The following FAT3 variants were observed in gnomAD, a reference collection of about 807,000 sequenced individuals.
FAT3 encodes FAT atypical cadherin 3, also known as protocadherin Fat 3.
In FAT3, 95 loss-of-function variants were observed where a neutral mutation model predicts 310.2. That is an observed-to-expected ratio of 0.31 (90% CI 0.26 to 0.36). The LOEUF (loss-of-function observed/expected upper bound fraction) is 0.36, where lower values mean the gene tolerates loss of function less well. FAT3 is among the 10% of genes least tolerant of loss of function. FAT3 has a pLI of 1.00. For missense variants in FAT3, 5,408 were observed against 5,715.6 expected, an observed-to-expected ratio of 0.95 and a Z score of 1.74; for synonymous variants, 2,314 against 2,192.9, an observed-to-expected ratio of 1.06 and a Z score of -1.54.
At chr11:92,278,915 C>G (rs748639349) in intron 1 of FAT3, among the ~76,000 whole-genome samples, 3 of 152,080 alleles carry the variant, frequency 2.0e-5, no homozygotes, top group Non-Finnish European at 4.4e-5. Context: ...GTGCTGTTCA[C>G]TCTGAGTTTA....
chr11:92,227,396 G>C (rs1017160854), intron 1 of FAT3, among the ~76,000 whole-genome samples: 2 of 152,182 alleles, frequency 1.3e-5, no homozygotes, highest in Non-Finnish European at 1.5e-5. Context: ...TAAAAGCAGA[G>C]AGACAGAGAA....
chr11:92,446,446 T>C, intron 2 of FAT3, among the ~76,000 whole-genome samples: 1 of 152,106 alleles, frequency 6.6e-6, no homozygotes, highest in East Asian at 1.9e-4. Flanking sequence ...CACCAACTCC[T>C]CAATGAGATA....
At chr11:92,315,909 C>T (rs1947448876) in intron 1 of FAT3, among the ~76,000 whole-genome samples, 1 of 152,008 alleles carries the variant, frequency 6.6e-6, no homozygotes, top group South Asian at 2.1e-4. Flanking sequence ...AATTTGTCTT[C>T]ATACATAATG....
chr11:92,617,303 C>T (rs1249511843), intron 3 of FAT3, among the ~76,000 whole-genome samples: 1 of 152,162 alleles, frequency 6.6e-6, no homozygotes, highest in Non-Finnish European at 1.5e-5. Context: ...TCACGTAGTT[C>T]TCATGCCATG....
chr11:92,668,475 C>T (rs892776876), intron 3 of FAT3, among the ~76,000 whole-genome samples: 1 of 152,250 alleles, frequency 6.6e-6, no homozygotes, highest in East Asian at 1.9e-4. Context: ...TGTGTCACAT[C>T]TTAGTAGAAA....
intron 1 of FAT3, among the ~76,000 whole-genome samples, chr11:92,238,935 C>T (rs1204417433): frequency 2.0e-5 from 3 of 152,074 alleles, no homozygotes; most frequent in African/African-American, 4.8e-5. Context: ...AACGTGCATT[C>T]GTTTGTAACT....
At position 92,512,947 on chromosome 11, in the gene FAT3, C is replaced by T. The variant is rs1403359204; in HGVS notation, c.3293-11687C>T. Among the ~76,000 whole-genome samples, 218 of 94,118 alleles carry T rather than the reference C, an allele frequency of 2.3e-3. 56 individuals are homozygous for T. The highest frequency in any genetic ancestry group is 4.1e-3 in the Admixed American group (36 of 8,838). The allele number at this position is 94,118 out of a possible 152,430, so 61.7% of individuals were successfully genotyped here. A position where few individuals can be genotyped will look rare whatever the true frequency, so the allele number is the denominator to read the frequency against. On this transcript the variant is annotated intron_variant, in intron 2 of 27. Transcript: ENST00000525166. ...ACCATCCTGGCTAACACGGTGAAACCCCGTCTCTACTAAAAATACAAAAAA... is the reference window on the plus strand; with the variant it reads ...ACCATCCTGGCTAACACGGTGAAACTCCGTCTCTACTAAAAATACAAAAAA...
intron 8 of FAT3, among the ~76,000 whole-genome samples, chr11:92,790,875 T>G (rs983302623): frequency 1.3e-5 from 2 of 152,140 alleles, no homozygotes; most frequent in African/African-American, 4.8e-5. Context: ...TGGCCTGAAG[T>G]CTATCTCTTC....
At chr11:92,283,625 A>T (rs1438364111) in intron 1 of FAT3, among the ~76,000 whole-genome samples, 1 of 152,160 alleles carries the variant, frequency 6.6e-6, no homozygotes, top group Non-Finnish European at 1.5e-5. Context: ...TCAATTCAGG[A>T]ACAACTAAAA....
chr11:92,776,741 T>G (rs1269867204), intron 7 of FAT3, among the ~76,000 whole-genome samples: 1 of 152,122 alleles, frequency 6.6e-6, no homozygotes. Context: ...TGCCAAGAGA[T>G]TTTCTTGTCT....
At chr11:92,375,760 C>G (rs150179388) in intron 2 of FAT3, among the ~76,000 whole-genome samples, 3 of 152,234 alleles carry the variant, frequency 2.0e-5, no homozygotes, top group Non-Finnish European at 4.4e-5. Flanking sequence ...TTTGTTTGCA[C>G]TTTATACTTA....
chr11:92,578,437 A>T (rs1162592174), intron 3 of FAT3, among the ~76,000 whole-genome samples: 1 of 152,138 alleles, frequency 6.6e-6, no homozygotes. Context: ...TCATTTTACC[A>T]AACAAAAACA....
At chr11:92,598,812 T>C (rs758636470) in intron 3 of FAT3, among the ~76,000 whole-genome samples, 1 of 152,142 alleles carries the variant, frequency 6.6e-6, no homozygotes, top group Non-Finnish European at 1.5e-5. Context: ...TCCCTCAGTT[T>C]CTCCTATGTG....
At chr11:92,463,748 A>C (rs1951692384) in intron 2 of FAT3, among the ~76,000 whole-genome samples, 1 of 152,142 alleles carries the variant, frequency 6.6e-6, no homozygotes, top group Non-Finnish European at 1.5e-5. Context: ...TGGCACTCAT[A>C]TCTTACTGGG....
chr11:92,551,414 T>TTGTTTTTTGTGTG (rs35238743), intron 3 of FAT3, among the ~76,000 whole-genome samples: 2 of 128,970 alleles, frequency 1.6e-5, no homozygotes, highest in South Asian at 2.9e-4. Context: ...TTTTTTTGTT[T>TTGTTTTTTGTGTG]TGTGTGTGTG....
At chr11:92,860,093 T>C (rs116319320) in intron 21 of FAT3, among the ~76,000 whole-genome samples, 1 of 152,160 alleles carries the variant, frequency 6.6e-6, no homozygotes, top group Admixed American at 6.5e-5. Context: ...TCCCAGCTAC[T>C]TGGGAGGCTG....
At chr11:92,605,719 GTT>G (rs5793613) in intron 3 of FAT3, among the ~76,000 whole-genome samples, 5 of 99,744 alleles carry the variant, frequency 5.0e-5, no homozygotes, top group Admixed American at 1.2e-4. Context: ...AAATAGCTAT[GTT>G]TTTTTTTTTT....
At chr11:92,527,145 G>A (rs2135370465) in intron 3 of FAT3, among the ~76,000 whole-genome samples, 1 of 152,276 alleles carries the variant, frequency 6.6e-6, no homozygotes, top group East Asian at 1.9e-4. Context: ...CACATTTGGA[G>A]TTAGAAGTCC....
chr11:92,716,475 T>G (rs540204924), intron 4 of FAT3, among the ~76,000 whole-genome samples: 3 of 152,206 alleles, frequency 2.0e-5, no homozygotes, highest in South Asian at 2.1e-4. Flanking sequence ...AAGGCTTCCA[T>G]AAGAGTTTTC....
Sources: gnomAD v4.1 joint callset for allele counts (sites outside exome capture counted in the v4.1 genomes callset) on GRCh38, gnomAD v4.1.1 for gene constraint, MANE v1.5 for transcripts, NCBI Gene and HGNC (gene_info 2026-07-23, HGNC 2026-07-21) for gene names.